HMGB1: variants seen among roughly 807,000 people sequenced by gnomAD.
HMGB1 encodes the protein high mobility group protein B1.
For synonymous variants in HMGB1, 81 were observed against 84.0 expected, an observed-to-expected ratio of 0.96 and a Z score of 0.19; for missense variants, 79 against 253.5, an observed-to-expected ratio of 0.31 and a Z score of 4.67.
At chr13:30,480,473 G>A (rs1214526218) in intron 1 of HMGB1, among the ~76,000 whole-genome samples, 1 of 152,198 alleles carries the variant, frequency 6.6e-6, no homozygotes, top group Non-Finnish European at 1.5e-5. Flanking sequence ...GGATCCTCCT[G>A]CCTCAGGCTC....
chr13:30,556,034 C>T (rs1358300885), intron 1 of HMGB1, among the ~76,000 whole-genome samples: 1 of 152,170 alleles, frequency 6.6e-6, no homozygotes, highest in Non-Finnish European at 1.5e-5. Context: ...TCAGAAAAAT[C>T]AGCTTTTGGA....
At chr13:30,591,603 C>T (rs943593721) in intron 1 of HMGB1, among the ~76,000 whole-genome samples, 9 of 151,550 alleles carry the variant, frequency 5.9e-5, no homozygotes, top group South Asian at 4.2e-4. Flanking sequence ...CTCTGCCTCT[C>T]GGGCTCAGCG....
chr13:30,613,392 T>A (rs1950530823), intron 1 of HMGB1, among the ~76,000 whole-genome samples: 2 of 152,160 alleles, frequency 1.3e-5, no homozygotes, highest in Admixed American at 6.5e-5. Flanking sequence ...TTCAACCATA[T>A]ATTATTGGCA....
intron 4 of HMGB1, 98 bp from the exon 5 acceptor site, chr13:30,461,631 A>G (rs983903380): frequency 6.3e-7 from 1 of 1,585,404 alleles, no homozygotes; most frequent in Admixed American, 1.8e-5. Context: ...TCAAGATTCT[A>G]GTTATACCAA....
chr13:30,570,920 A>T (rs1042738329), intron 1 of HMGB1, among the ~76,000 whole-genome samples: 3 of 152,228 alleles, frequency 2.0e-5, no homozygotes, highest in African/African-American at 7.2e-5. Flanking sequence ...CTCTAAATAT[A>T]TTACCTAATG....
intron 1 of HMGB1, among the ~76,000 whole-genome samples, chr13:30,513,533 AG>A (rs1378500135): frequency 2.6e-5 from 4 of 152,238 alleles, no homozygotes; most frequent in African/African-American, 9.6e-5. Context: ...TAAATACAAC[AG>A]TGCTGAAATC....
intron 1 of HMGB1, among the ~76,000 whole-genome samples, chr13:30,544,470 G>A (rs1205772429): frequency 6.6e-6 from 1 of 152,226 alleles, no homozygotes; most frequent in Non-Finnish European, 1.5e-5. Flanking sequence ...GCGGAAGGTT[G>A]AGTTGATCAG....
intron 1 of HMGB1, among the ~76,000 whole-genome samples, chr13:30,533,894 C>T (rs773051641): frequency 2.1e-5 from 3 of 142,864 alleles, no homozygotes; most frequent in African/African-American, 5.2e-5. Context: ...GATGGAGTTT[C>T]GCTCTTGTTG....
intron 1 of HMGB1, among the ~76,000 whole-genome samples, chr13:30,535,948 T>C (rs1439304899): frequency 6.6e-6 from 1 of 152,172 alleles, no homozygotes; most frequent in Non-Finnish European, 1.5e-5. Context: ...GACAGGAATA[T>C]AGGCAAAAGC....
intron 1 of HMGB1, among the ~76,000 whole-genome samples, chr13:30,538,685 C>CTTTA (rs1278880798): frequency 4.7e-4 from 3 of 6,322 alleles, no homozygotes; most frequent in African/African-American, 1.1e-3. Context: ...TCTTTCTTTC[C>CTTTA]TTTCTTTCTT....
At chr13:30,614,534 C>G (rs1164457673) in intron 1 of HMGB1, among the ~76,000 whole-genome samples, 1 of 152,046 alleles carries the variant, frequency 6.6e-6, no homozygotes, top group Non-Finnish European at 1.5e-5. Context: ...CAAGTTTAGA[C>G]TATTAAAAAT....
intron 4 of HMGB1, 176 bp from the exon 5 acceptor site, chr13:30,461,709 A>C: frequency 1.3e-6 from 2 of 1,520,518 alleles, no homozygotes; most frequent in Non-Finnish European, 1.8e-6. Flanking sequence ...TGAACATAAA[A>C]ATACAAGATC....
intron 1 of HMGB1, among the ~76,000 whole-genome samples, chr13:30,509,968 T>G (rs918886362): frequency 2.0e-5 from 3 of 152,230 alleles, no homozygotes; most frequent in Non-Finnish European, 4.4e-5. Context: ...CAGACCTCTG[T>G]CCAGAGAAAG....
At chr13:30,508,264 C>T (rs111721215) in intron 1 of HMGB1, among the ~76,000 whole-genome samples, 5,384 of 152,164 alleles carry the variant, frequency 0.035, 280 homozygotes, top group African/African-American at 0.12. Context: ...GTAATCTCAG[C>T]GCTTTGGGAG....
chr13:30,464,724 CGAGGG>C, intron 1 of HMGB1: 10 of 761,874 alleles, frequency 1.3e-5, no homozygotes, highest in Non-Finnish European at 1.6e-5. Context: ...GCCGCCGCCG[CGAGGG>C]CGAGCGCGAG....
intron 1 of HMGB1, chr13:30,554,119 G>A (rs1869563625): frequency 1.6e-6 from 2 of 1,260,476 alleles, no homozygotes; most frequent in Non-Finnish European, 2.3e-6. Context: ...CAGAAGATGT[G>A]AAGTCATATT....
At chr13:30,471,577 A>G (rs1593262402) in intron 1 of HMGB1, among the ~76,000 whole-genome samples, 1 of 136,896 alleles carries the variant, frequency 7.3e-6, no homozygotes, top group South Asian at 2.3e-4. Flanking sequence ...CTGGTCTCGA[A>G]CTCCTAACAT....
At chr13:30,612,043 T>C (rs912329865) in intron 1 of HMGB1, among the ~76,000 whole-genome samples, 1 of 152,062 alleles carries the variant, frequency 6.6e-6, no homozygotes, top group African/African-American at 2.4e-5. Context: ...TCAACAAATA[T>C]GCACTATGTA....
intron 1 of HMGB1, among the ~76,000 whole-genome samples, chr13:30,598,898 C>T (rs190287577): frequency 8.8e-5 from 9 of 102,308 alleles, no homozygotes; most frequent in East Asian, 5.4e-4. Flanking sequence ...CATGTACACA[C>T]GTATATGTAT....
Sources: allele counts gnomAD v4.1 joint callset (sites outside exome capture counted in the v4.1 genomes callset), GRCh38; gene constraint gnomAD v4.1.1; transcripts MANE v1.5; gene names NCBI Gene and HGNC (gene_info 2026-07-23, HGNC 2026-07-21).